The following CTTNBP2 variants were observed in gnomAD, a reference collection of about 807,000 sequenced individuals.
CTTNBP2 encodes the protein cortactin-binding protein 2.
In CTTNBP2, 108 loss-of-function variants were observed where a neutral mutation model predicts 156.9. That is an observed-to-expected ratio of 0.69 (90% CI 0.59 to 0.81). The LOEUF is 0.81. CTTNBP2 is among the 30% of genes least tolerant of loss of function. The pLI is 0.00. For synonymous variants in CTTNBP2, 767 were observed against 751.8 expected, an observed-to-expected ratio of 1.02 and a Z score of -0.33; for missense variants, 1,924 against 2,035.4, an observed-to-expected ratio of 0.95 and a Z score of 1.05.
Position 117,791,750 on chromosome 7 carries a change from T to C in CTTNBP2, c.1446A>G (p.Leu482=). 6.2e-7 allele frequency: 1 copy of C among 1,614,216 alleles called. No individual in the cohort carries two copies. Among genetic ancestry groups the C allele is most frequent in the Non-Finnish European group, 8.5e-7 (1 of 1,180,036 alleles). Residue 482 remains leucine, a synonymous_variant, in exon 4 of 23, where the codon CTA becomes CTG. Transcript: ENST00000160373. The stretch of plus-strand genomic sequence containing the variant: ...TATTCCGAGCTAGTTGTTTGGCCAC[T>C]AGGTTGTCACGACTTGTAGGCGAGA... ...RDVSPTSRDN[L]VAKQLARNTV...
Position 117,715,475 on chromosome 7 carries a change from TAA to T in CTTNBP2, c.4746+2541_4746+2542del, listed in dbSNP as rs398048025. Among the ~76,000 whole-genome samples the T allele has an allele frequency of 5.7e-3, 661 of 116,312 alleles. 11 individuals are homozygous for T. Among genetic ancestry groups the T allele is most frequent in the African/African-American group, 0.021 (539 of 25,404 alleles). 76.3% of individuals were successfully genotyped at this position (116,312 alleles called of 152,430 possible). Reference sequence around the variant, plus strand: ...CAGACTAGAGTCCAGGCCCTGAAGTTAAAAAAAAAAAAAAAAAAGAAGCCTCA... The same window carrying T: ...CAGACTAGAGTCCAGGCCCTGAAGTTAAAAAAAAAAAAAAAAGAAGCCTCA... On this transcript the variant is annotated intron_variant, in intron 22 of 22. Coordinates refer to ENST00000160373, the MANE Select transcript of CTTNBP2 (RefSeq NM_033427.3).
intron 10 of CTTNBP2, among the ~76,000 whole-genome samples, chr7:117,759,080 C>CT (rs1466202277): frequency 6.6e-6 from 1 of 152,072 alleles, no homozygotes; most frequent in Non-Finnish European, 1.5e-5. Context: ...TGAATCATTT[C>CT]TTAATGCAAT....
rs193034564 is a variant in CTTNBP2, at chr7:117,724,797, G to A, written c.4262-65C>T. ...ACTGATTAAAGCAAAATACATTTCC[G>A]TTTCTCAAAGATACGGACTGTTCAA... On this transcript the variant is annotated intron_variant, in intron 18 of 22. Coordinates refer to ENST00000160373, the MANE Select transcript of CTTNBP2 (RefSeq NM_033427.3). 2.1e-5 allele frequency: 33 copies of A among 1,548,506 alleles called. No homozygotes were observed. The African/African-American group carries it at 2.3e-4, about 11-fold the overall frequency.
intron 1 of CTTNBP2, among the ~76,000 whole-genome samples, chr7:117,869,326 A>C (rs1371262095): frequency 6.6e-6 from 1 of 152,218 alleles, no homozygotes; most frequent in Non-Finnish European, 1.5e-5. Context: ...GTAACACACA[A>C]AGTGAGTTTT....
chr7:117,796,619 G>A (rs991418366), intron 3 of CTTNBP2, among the ~76,000 whole-genome samples: 9 of 152,144 alleles, frequency 5.9e-5, no homozygotes, highest in African/African-American at 1.2e-4. Context: ...AAGACAACAC[G>A]TGTAAATCAC....
At chr7:117,760,223 G>C (rs1197877722) in intron 10 of CTTNBP2, 3 of 559,386 alleles carry the variant, frequency 5.4e-6, no homozygotes, top group African/African-American at 3.7e-5. Flanking sequence ...TTTACTCTCT[G>C]AGTATTATTT....
chr7:117,727,172 T>C (rs1795137178), intron 17 of CTTNBP2, among the ~76,000 whole-genome samples: 1 of 152,158 alleles, frequency 6.6e-6, no homozygotes, highest in South Asian at 2.1e-4. Flanking sequence ...AAAATGGTGG[T>C]TTGTCTTACA....
At chr7:117,760,349 AATG>A in intron 10 of CTTNBP2, 83 bp downstream of exon 10, 3 of 1,342,102 alleles carry the variant, frequency 2.2e-6, no homozygotes, top group Non-Finnish European at 3.1e-6. Flanking sequence ...GTGCTTAATC[AATG>A]AACTAAGAAT....
In CTTNBP2 at chr7:117,715,475, T is replaced by TAAAAAAAAAAAA. The variant is rs398048025; in HGVS notation, c.4746+2531_4746+2542dup. 6.5e-4 allele frequency among the ~76,000 whole-genome samples: 76 copies of TAAAAAAAAAAAA among 116,348 alleles called. 1 individual carries two copies. Among genetic ancestry groups the TAAAAAAAAAAAA allele is most frequent in the African/African-American group, 2.7e-3 (68 of 25,368 alleles). 76.3% of individuals were successfully genotyped at this position (116,348 alleles called of 152,430 possible). A position where few individuals can be genotyped will look rare whatever the true frequency, so the allele number is the denominator to read the frequency against. On this transcript the variant is annotated intron_variant, in intron 22 of 22. Transcript: ENST00000160373. ...CAGACTAGAGTCCAGGCCCTGAAGT[T>TAAAAAAAAAAAA]AAAAAAAAAAAAAAAAAAGAAGCCT...
At chr7:117,807,138 C>T (rs1799997961) in intron 3 of CTTNBP2, among the ~76,000 whole-genome samples, 1 of 152,152 alleles carries the variant, frequency 6.6e-6, no homozygotes, top group East Asian at 1.9e-4. Context: ...CAATCTCCAA[C>T]TCCCCCTTGA....
chr7:117,714,575 C>T (rs1246679198), intron 22 of CTTNBP2, among the ~76,000 whole-genome samples: 1 of 152,122 alleles, frequency 6.6e-6, no homozygotes, highest in East Asian at 1.9e-4. Flanking sequence ...TAGTCTGTTT[C>T]TGTACCTGCA....
Position 117,728,109 on chromosome 7 carries a change from C to A in CTTNBP2, c.4035G>T (p.Gly1345=). Residue 1345 remains glycine, a synonymous_variant, in exon 17 of 23, where the codon GGG becomes GGT. Coordinates refer to ENST00000160373, the MANE Select transcript of CTTNBP2 (RefSeq NM_033427.3). ...KYFLSCPVVP[G]HAQVTVKWMS... ...CTTACTTCACTGTCACTTGGGCATG[C>A]CCAGGAACTACAGGACAAGACAGGA... 1 of 1,613,560 alleles carries A rather than the reference C, an allele frequency of 6.2e-7. No homozygotes were observed. The highest frequency in any genetic ancestry group is 1.1e-5 in the South Asian group (1 of 90,954).
chr7:117,789,579 A>G (rs2116847328), intron 4 of CTTNBP2, among the ~76,000 whole-genome samples: 1 of 152,334 alleles, frequency 6.6e-6, no homozygotes, highest in South Asian at 2.1e-4. Context: ...CAGTAATACC[A>G]TTTTGGATCA....
intron 3 of CTTNBP2, among the ~76,000 whole-genome samples, chr7:117,794,307 G>A (rs936617031): frequency 6.6e-6 from 1 of 152,164 alleles, no homozygotes; most frequent in Non-Finnish European, 1.5e-5. Flanking sequence ...ACAGAAGCCA[G>A]GTTGGCCTAC....
chr7:117,832,808 G>A lies in CTTNBP2; in HGVS notation c.190-21819C>T, dbSNP rs561225379. On this transcript the variant is annotated intron_variant, in intron 2 of 22. Transcript: ENST00000160373. ...GTCGCCAGGGCTGGAGTACAGTGGCGCAATCTCAGCTCACTGCAACCTCTG... is the reference window on the plus strand; with the variant it reads ...GTCGCCAGGGCTGGAGTACAGTGGCACAATCTCAGCTCACTGCAACCTCTG... Among the ~76,000 whole-genome samples, 21 of 141,744 alleles carry A rather than the reference G, an allele frequency of 1.5e-4. No homozygotes were observed. The East Asian group carries it at 3.5e-3, about 23-fold the overall frequency. 93.0% of individuals were successfully genotyped at this position (141,744 alleles called of 152,430 possible). A position where few individuals can be genotyped will look rare whatever the true frequency, so the allele number is the denominator to read the frequency against.
chr7:117,795,532 A>G (rs990969894), intron 3 of CTTNBP2, among the ~76,000 whole-genome samples: 1 of 152,116 alleles, frequency 6.6e-6, no homozygotes, highest in African/African-American at 2.4e-5. Flanking sequence ...GTTTTTCCTA[A>G]TGTCATCCAG....
At chr7:117,844,048 CGAA>C (rs1312910040) in intron 2 of CTTNBP2, among the ~76,000 whole-genome samples, 2 of 135,748 alleles carry the variant, frequency 1.5e-5, no homozygotes, top group African/African-American at 6.0e-5. Flanking sequence ...GAAGCAGAAA[CGAA>C]GAGAGAGAGA....
intron 2 of CTTNBP2, among the ~76,000 whole-genome samples, chr7:117,818,926 T>C (rs1800782548): frequency 6.6e-6 from 1 of 152,154 alleles, no homozygotes; most frequent in African/African-American, 2.4e-5. Flanking sequence ...TGGAACAAAA[T>C]CTCTGTCTCC....
At position 117,780,452 on chromosome 7, in the gene CTTNBP2, C is replaced by A; in HGVS notation, c.2512G>T (p.Val838Leu). 6.4e-7 allele frequency: 1 copy of A among 1,570,232 alleles called. No individual in the cohort carries two copies. Among genetic ancestry groups the A allele is most frequent in the Non-Finnish European group, 8.6e-7 (1 of 1,162,550 alleles). The change falls in exon 7 of 23, where the codon GTA becomes TTA. Residue 838 changes from valine to leucine, a missense_variant. Physicochemically the swap from Val to Leu is conservative, Grantham distance 32. Coordinates refer to ENST00000160373, the MANE Select transcript of CTTNBP2 (RefSeq NM_033427.3). ...LLLEAGTNRS[V>L]KTTDGWTPVH... is the part of the protein sequence containing the mutation. ...AGACTGCTACTCACTGTGGTTTTTA[C>A]ACTTCGATTGGTTCCAGCTTCCAAC...
Sources: allele counts gnomAD v4.1 joint callset (sites outside exome capture counted in the v4.1 genomes callset), GRCh38; gene constraint gnomAD v4.1.1; transcripts MANE v1.5; gene names NCBI Gene and HGNC (gene_info 2026-07-23, HGNC 2026-07-21).